The following MYO3B variants were observed in gnomAD, a reference collection of about 807,000 sequenced individuals.
The protein encoded by MYO3B is myosin-IIIb.
A neutral mutation model predicts 174.6 loss-of-function variants in MYO3B; 156 were observed. The ratio of observed to expected loss-of-function variants is 0.89; its 90% CI spans 0.78 to 1.02. MYO3B has a LOEUF of 1.02. Among genes scored for constraint, MYO3B ranks in the 50% least tolerant of loss-of-function variants. MYO3B has a pLI of 0.00. For missense variants in MYO3B, 1,632 were observed against 1,639.4 expected, an observed-to-expected ratio of 1.00 and a Z score of 0.08; for synonymous variants, 563 against 569.1, an observed-to-expected ratio of 0.99 and a Z score of 0.15.
intron 22 of MYO3B, among the ~76,000 whole-genome samples, chr2:170,427,449 C>A (rs900866413): frequency 1.3e-5 from 2 of 152,134 alleles, no homozygotes; most frequent in Non-Finnish European, 1.5e-5. Context: ...TCTTTAACAC[C>A]ATGAAACATA....
chr2:170,453,065 C>T (rs1413015550), intron 23 of MYO3B, among the ~76,000 whole-genome samples: 1 of 152,180 alleles, frequency 6.6e-6, no homozygotes, highest in African/African-American at 2.4e-5. Flanking sequence ...CCACAAAATC[C>T]TTGTCCTCTG....
chr2:170,522,965 A>C (rs1255693504), intron 30 of MYO3B, among the ~76,000 whole-genome samples: 2 of 152,256 alleles, frequency 1.3e-5, no homozygotes, highest in Non-Finnish European at 2.9e-5. Context: ...TTACTAAAAA[A>C]AATCAGCTGA....
intron 32 of MYO3B, among the ~76,000 whole-genome samples, chr2:170,561,261 C>T (rs1303487047): frequency 1.3e-5 from 2 of 152,146 alleles, no homozygotes; most frequent in African/African-American, 4.8e-5. Flanking sequence ...CCACCCTGAG[C>T]AAATTAACCC....
intron 32 of MYO3B, among the ~76,000 whole-genome samples, chr2:170,569,927 A>G (rs1002538983): frequency 6.6e-6 from 1 of 151,668 alleles, no homozygotes; most frequent in Admixed American, 6.6e-5. Context: ...TCTATTCCCT[A>G]AATCCTAGAA....
chr2:170,243,726 T>G (rs1475111860), intron 7 of MYO3B, among the ~76,000 whole-genome samples: 1 of 152,224 alleles, frequency 6.6e-6, no homozygotes. Flanking sequence ...CTTTCCCTTG[T>G]AGCTGAAGAA....
At chr2:170,270,116 G>A (rs1409608967) in intron 7 of MYO3B, among the ~76,000 whole-genome samples, 3 of 152,144 alleles carry the variant, frequency 2.0e-5, no homozygotes, top group African/African-American at 4.8e-5. Flanking sequence ...AGGCTCCAAG[G>A]ATATACATCA....
intron 32 of MYO3B, among the ~76,000 whole-genome samples, chr2:170,582,573 C>A (rs1693222476): frequency 6.6e-6 from 1 of 152,130 alleles, no homozygotes; most frequent in South Asian, 2.1e-4. Flanking sequence ...AGGAAGAAAT[C>A]CCGTTTCCTT....
chr2:170,418,025 C>G (rs754102387), intron 22 of MYO3B, among the ~76,000 whole-genome samples: 8 of 152,124 alleles, frequency 5.3e-5, no homozygotes, highest in Non-Finnish European at 1.2e-4. Context: ...GCTGCCAAGC[C>G]CTAGGCCTGG....
chr2:170,474,221 G>A (rs1171326674), intron 25 of MYO3B, among the ~76,000 whole-genome samples: 1 of 152,110 alleles, frequency 6.6e-6, no homozygotes, highest in African/African-American at 2.4e-5. Context: ...GCATTCTATA[G>A]GCTTAGCAAC....
At chr2:170,438,642 CT>C (rs61033459) in intron 22 of MYO3B, among the ~76,000 whole-genome samples, 3 of 149,258 alleles carry the variant, frequency 2.0e-5, no homozygotes, top group East Asian at 2.0e-4. Flanking sequence ...GGTAATATTT[CT>C]TTTTTTTTTG....
intron 32 of MYO3B, among the ~76,000 whole-genome samples, chr2:170,550,138 G>A (rs990448252): frequency 6.6e-6 from 1 of 152,094 alleles, no homozygotes; most frequent in Non-Finnish European, 1.5e-5. Flanking sequence ...GGCTCCCTCA[G>A]GCTGAAAACA....
chr2:170,285,805 ATT>A (rs35953791), intron 7 of MYO3B, among the ~76,000 whole-genome samples: 1 of 146,886 alleles, frequency 6.8e-6, no homozygotes, highest in Admixed American at 6.8e-5. Context: ...ATAATGTTGT[ATT>A]TTTTTTTTTT....
At position 170,393,859 on chromosome 2, in the gene MYO3B, G is replaced by A. The variant is rs552418595; in HGVS notation, c.1791+1364G>A. On this transcript the variant is annotated intron_variant, in intron 16 of 34. Transcript: ENST00000408978. ...TAAAAATATAAATATATTTTCCTTGGCTTCTTAGAGGGGGGCAATTAAACA... is the reference window on the plus strand; with the variant it reads ...TAAAAATATAAATATATTTTCCTTGACTTCTTAGAGGGGGGCAATTAAACA... 3.3e-5 allele frequency among the ~76,000 whole-genome samples: 5 copies of A among 152,164 alleles called. No homozygotes were observed. In the South Asian group the frequency reaches 1.0e-3, roughly 32 times the overall value.
intron 32 of MYO3B, among the ~76,000 whole-genome samples, chr2:170,547,035 CCTGG>C (rs1690539959): frequency 6.6e-6 from 1 of 151,932 alleles, no homozygotes; most frequent in Non-Finnish European, 1.5e-5. Context: ...AAGAAGTGTC[CCTGG>C]CACGGCGTGG....
At chr2:170,498,108 G>A (rs562909225) in intron 25 of MYO3B, among the ~76,000 whole-genome samples, 147 of 152,180 alleles carry the variant, frequency 9.7e-4, no homozygotes, top group African/African-American at 3.5e-3. Flanking sequence ...TCCTCTATAC[G>A]CTGAGTAAGA....
At chr2:170,269,177 A>G (rs988054270) in intron 7 of MYO3B, among the ~76,000 whole-genome samples, 2 of 152,162 alleles carry the variant, frequency 1.3e-5, no homozygotes, top group Admixed American at 6.5e-5. Context: ...ATTTAAAGAT[A>G]TGTACTTTTC....
At chr2:170,591,863 A>G (rs1693837161) in intron 32 of MYO3B, among the ~76,000 whole-genome samples, 1 of 152,254 alleles carries the variant, frequency 6.6e-6, no homozygotes, top group Non-Finnish European at 1.5e-5. Context: ...TTGGTCGTAG[A>G]AATCTAGAAC....
intron 32 of MYO3B, among the ~76,000 whole-genome samples, chr2:170,636,656 C>T (rs1354510957): frequency 6.6e-6 from 1 of 152,138 alleles, no homozygotes; most frequent in Non-Finnish European, 1.5e-5. Flanking sequence ...CCTTCCAGAG[C>T]TGGTGGCGCG....
At chr2:170,512,032 A>G (rs1108432) in intron 28 of MYO3B, among the ~76,000 whole-genome samples, 27,012 of 152,206 alleles carry the variant, frequency 0.18, 2,925 homozygotes, top group Middle Eastern at 0.3. Context: ...AGGATAATGG[A>G]AAACTTCCCT....
Sources: gnomAD v4.1 joint callset for allele counts (sites outside exome capture counted in the v4.1 genomes callset) on GRCh38, gnomAD v4.1.1 for gene constraint, MANE v1.5 for transcripts, NCBI Gene and HGNC (gene_info 2026-07-23, HGNC 2026-07-21) for gene names.